The following SAGE1 variants were observed in gnomAD, a reference collection of about 807,000 sequenced individuals.
SAGE1 encodes sarcoma antigen 1.
Under a neutral mutation model 55.4 loss-of-function variants are expected in SAGE1, and 55 were observed. The observed-to-expected ratio is 0.99, with a 90% CI of 0.80 to 1.24. The LOEUF (loss-of-function observed/expected upper bound fraction) is 1.24. Ranked by LOEUF, SAGE1 falls within the 50% of genes most tolerant of loss-of-function variation. The pLI is 0.00. For missense variants in SAGE1, 710 were observed against 704.4 expected (o/e 1.01, Z -0.09); for synonymous variants, 240 against 244.3 (o/e 0.98, Z 0.17).
chrX:135,902,877 G>C (rs2088702457), intron 3 of SAGE1, among the ~76,000 whole-genome samples: 1 of 111,806 alleles, frequency 8.9e-6, no homozygotes, highest in East Asian at 2.8e-4. Flanking sequence ...CTCCAGGCTA[G>C]TACAATGCCT....
At chrX:135,909,502 G>A in intron 13 of SAGE1, 137 bp from the exon 14 acceptor site, 1 of 610,810 alleles carries the variant, frequency 1.6e-6, no homozygotes, top group Non-Finnish European at 2.5e-6. Flanking sequence ...CTAAATTTGA[G>A]GGGTCTCAGA....
intron 1 of SAGE1, among the ~76,000 whole-genome samples, chrX:135,894,387 C>T (rs1169200039): frequency 9.8e-5 from 11 of 112,697 alleles, no homozygotes; most frequent in African/African-American, 3.2e-4. Flanking sequence ...CTTCTTGAGT[C>T]GGTAATTTGT....
At chrX:135,907,109 A>G (rs1217117574) in intron 8 of SAGE1, 43 bp downstream of exon 8, 1 of 1,158,380 alleles carries the variant, frequency 8.6e-7, no homozygotes, top group Non-Finnish European at 1.2e-6. Context: ...TGGTTTCCAT[A>G]TACGTGCATA....
chrX:135,894,608 CTT>C (rs2088555586), intron 1 of SAGE1, among the ~76,000 whole-genome samples: 1 of 109,061 alleles, frequency 9.2e-6, no homozygotes, highest in Non-Finnish European at 1.9e-5. Context: ...GGTGAACCAA[CTT>C]TTGATTTCAT....
intron 16 of SAGE1, 130 bp from the exon 17 acceptor site, chrX:135,911,062 C>G: frequency 2.8e-6 from 2 of 707,329 alleles, no homozygotes; most frequent in Non-Finnish European, 4.1e-6. Flanking sequence ...TTCAGGGTCT[C>G]TGATTGCCAC....
At chrX:135,900,196 A>C (rs142056961) in intron 2 of SAGE1, among the ~76,000 whole-genome samples, 1 of 111,132 alleles carries the variant, frequency 9.0e-6, no homozygotes, top group Non-Finnish European at 1.9e-5. Context: ...AGAGCTTTTA[A>C]TATAAGGGGA....
At chrX:135,893,841 A>G (rs1371352533) in intron 1 of SAGE1, among the ~76,000 whole-genome samples, 60 bp downstream of exon 1, 1 of 111,834 alleles carries the variant, frequency 8.9e-6, no homozygotes, top group Non-Finnish European at 1.9e-5. Flanking sequence ...CTTTGATATC[A>G]GGGTAATATT....
chrX:135,903,656 C>T (rs1556598289), intron 3 of SAGE1, among the ~76,000 whole-genome samples: 1 of 112,194 alleles, frequency 8.9e-6, no homozygotes, highest in Non-Finnish European at 1.9e-5. Context: ...CGTGTATTTT[C>T]TCAGAGTATT....
rs868965974 is a variant in SAGE1, at chrX:135,911,705, A to G, written c.2273A>G (p.Asn758Ser). 1.1e-5 allele frequency: 13 copies of G among 1,206,834 alleles called. No homozygotes were observed. In the African/African-American group the frequency reaches 1.4e-4, roughly 13 times the overall value. ...INMTGHCMPPNALDSFSHDFT... is the reference protein window; with the variant it reads ...INMTGHCMPPSALDSFSHDFT... ...ATGACAGGACATTGTATGCCACCCA[A>G]TGCATTGGATTCTTTCTCTCACGAC... The change falls in exon 18 of 20, where the codon AAT (asparagine) becomes AGT (serine). Residue 758 changes from asparagine (N) to serine (S), a missense_variant. By Grantham distance (46) the Asn-to-Ser change is conservative (BLOSUM62 1). Transcript: ENST00000370709.
At chrX:135,896,993 A>C (rs2088596225) in intron 2 of SAGE1, among the ~76,000 whole-genome samples, 1 of 112,058 alleles carries the variant, frequency 8.9e-6, no homozygotes, top group Non-Finnish European at 1.9e-5. Flanking sequence ...GATAGGAGGT[A>C]GAGCCAGGGT....
intron 1 of SAGE1, among the ~76,000 whole-genome samples, chrX:135,895,173 T>C (rs2088565469): frequency 9.0e-6 from 1 of 111,702 alleles, no homozygotes; most frequent in Non-Finnish European, 1.9e-5. Flanking sequence ...CTCCCAGGTA[T>C]AACTAGCTGG....
At chrX:135,901,854 G>C (rs1374574687) in intron 3 of SAGE1, among the ~76,000 whole-genome samples, 163 bp downstream of exon 3, 2 of 111,928 alleles carry the variant, frequency 1.8e-5, no homozygotes, top group African/African-American at 6.5e-5. Context: ...AATGAAGCAG[G>C]TTCCTGAGGC....
chrX:135,894,351 C>T (rs1441423482), intron 1 of SAGE1, among the ~76,000 whole-genome samples: 3 of 113,044 alleles, frequency 2.7e-5, no homozygotes, highest in African/African-American at 6.4e-5. Context: ...GGATTACAGG[C>T]GTGAGCCACT....
At chrX:135,898,310 C>A (rs1360504164) in intron 2 of SAGE1, among the ~76,000 whole-genome samples, 1 of 112,343 alleles carries the variant, frequency 8.9e-6, no homozygotes, top group Non-Finnish European at 1.9e-5. Context: ...TGAGCCACCG[C>A]ACCCGGCCGA....
chrX:135,894,974 A>G (rs2088560901), intron 1 of SAGE1, among the ~76,000 whole-genome samples: 1 of 74,126 alleles, frequency 1.3e-5, no homozygotes, highest in Non-Finnish European at 2.5e-5. Flanking sequence ...GCCCATGTTC[A>G]CTAAATCCCA....
Position 135,907,009 on chromosome X carries a change from A to G in SAGE1, c.820A>G (p.Thr274Ala). ...QPDNILSTAS[T>A]GLINVAGAGT... ...TGATAACATCTTGTCAACTGCTTCA[A>G]CAGGGCTTATTAATGTGGCAGGAGC... is the stretch of plus-strand genomic sequence containing the variant. Residue 274 changes from threonine to alanine, a missense_variant, in exon 8 of 20, where the codon ACA (threonine) becomes GCA (alanine). By Grantham distance (58) the Thr-to-Ala change is moderately conservative. Coordinates refer to ENST00000370709, the MANE Select transcript of SAGE1 (RefSeq NM_001381902.1). 1 of 1,210,641 alleles carries G rather than the reference A, an allele frequency of 8.3e-7. No homozygotes were observed. Among genetic ancestry groups the G allele is most frequent in the Non-Finnish European group, 1.1e-6 (1 of 894,524 alleles).
chrX:135,907,984 T>C, intron 10 of SAGE1, 105 bp from the exon 11 acceptor site: 2 of 1,065,449 alleles, frequency 1.9e-6, no homozygotes. Context: ...ATATCCTAGT[T>C]CCTTAGGAGA....
In SAGE1 at chrX:135,911,598, T is replaced by C. The variant is rs782438578; in HGVS notation, c.2166T>C (p.Asp722=). The change falls in exon 18 of 20, where the codon GAT becomes GAC. Residue 722 remains aspartate (D), a synonymous_variant. Transcript: ENST00000370709. ...TRDLYATVIH[D]IQEEEMENDQ... ...TTCCAGATGCTACTGTCATTCACGATATCCAGGAGGAGGAGATGGAAAATG... is the reference window on the plus strand; with the variant it reads ...TTCCAGATGCTACTGTCATTCACGACATCCAGGAGGAGGAGATGGAAAATG... 1.4e-5 allele frequency: 17 copies of C among 1,202,038 alleles called. No individual in the cohort carries two copies. The Admixed American group carries it at 2.6e-4, about 19-fold the overall frequency.
Position 135,911,302 on chromosome X carries a change from G to T in SAGE1, c.2116G>T (p.Gly706Cys). Residue 706 changes from glycine (G) to cysteine (C), a missense_variant, in exon 17 of 20, where the codon GGT becomes TGT. Physicochemically the swap from Gly to Cys is radical, Grantham distance 159 (BLOSUM62 -3). Transcript: ENST00000370709. ...PPGCINLSGAGISCRSTRDLY... is the reference protein window; with the variant it reads ...PPGCINLSGACISCRSTRDLY... ...TGGTTGTATTAATCTGTCAGGAGCT[G>T]GTATTTCATGCAGAAGTACCAGGGA... 8.3e-7 allele frequency: 1 copy of T among 1,205,494 alleles called. No homozygotes were observed. Among genetic ancestry groups the T allele is most frequent in the Non-Finnish European group, 1.1e-6 (1 of 892,603 alleles).
Sources: gnomAD v4.1 joint callset for allele counts (sites outside exome capture counted in the v4.1 genomes callset) on GRCh38, gnomAD v4.1.1 for gene constraint, MANE v1.5 for transcripts, NCBI Gene and HGNC (gene_info 2026-07-23, HGNC 2026-07-21) for gene names.